NLK: variants seen among roughly 807,000 people sequenced by gnomAD.
NLK encodes nemo like kinase.
Under a neutral mutation model 59.0 loss-of-function variants are expected in NLK, and 11 were observed. That is an observed-to-expected ratio of 0.19 (90% CI 0.12 to 0.31). NLK has a LOEUF of 0.31. Ranked by LOEUF, NLK falls within the 10% of genes least tolerant of loss-of-function variation. The probability of loss-of-function intolerance (pLI) is 1.00; values close to 1 mark genes in which losing one functional copy is unlikely to be tolerated. For synonymous variants in NLK, 235 were observed against 235.9 expected, an observed-to-expected ratio of 1.00 and a Z score of 0.03; for missense variants, 410 against 661.1, an observed-to-expected ratio of 0.62 and a Z score of 4.16.
intron 1 of NLK, among the ~76,000 whole-genome samples, chr17:28,073,018 TTAGA>T (rs1715630433): frequency 3.3e-5 from 5 of 152,036 alleles, no homozygotes; most frequent in Admixed American, 3.3e-4. Flanking sequence ...AAGCAGGGTA[TTAGA>T]TTTTTTTTTT....
chr17:28,074,485 T>G (rs1055883163), intron 1 of NLK, among the ~76,000 whole-genome samples: 1 of 152,170 alleles, frequency 6.6e-6, no homozygotes, highest in Admixed American at 6.5e-5. Flanking sequence ...TAAATGACCT[T>G]GATTACTTTG....
rs556723417 is a variant in NLK, at chr17:28,173,726, A to G, written c.1149+1108A>G. ...AAGTCTTAACCTAGAGGAAAGTTCT[A>G]TATTATAGAAGGAACTAACAAGATC... is the stretch of plus-strand genomic sequence containing the variant. On this transcript the variant is annotated intron_variant, in intron 7 of 10. Coordinates refer to ENST00000407008, the MANE Select transcript of NLK (RefSeq NM_016231.5). Among the ~76,000 whole-genome samples, 14 of 152,340 alleles carry G rather than the reference A, an allele frequency of 9.2e-5. No homozygotes were observed. The East Asian group carries it at 2.5e-3, about 27-fold the overall frequency.
intron 5 of NLK, among the ~76,000 whole-genome samples, chr17:28,164,964 C>T (rs546759793): frequency 1.3e-5 from 2 of 151,946 alleles, no homozygotes; most frequent in South Asian, 4.2e-4. Context: ...GAACCCTCAC[C>T]CTTATTTTAA....
At chr17:28,189,106 AAC>A (rs1380493425) in intron 8 of NLK, among the ~76,000 whole-genome samples, 1 of 152,072 alleles carries the variant, frequency 6.6e-6, no homozygotes, top group Non-Finnish European at 1.5e-5. Flanking sequence ...GCAGGCATAC[AAC>A]ACACAGTTTG....
chr17:28,167,944 A>ATG (rs2142053637), intron 5 of NLK, among the ~76,000 whole-genome samples: 1 of 152,240 alleles, frequency 6.6e-6, no homozygotes, highest in Admixed American at 6.5e-5. Flanking sequence ...TAAGAAAATG[A>ATG]TGTAAGTTTG....
intron 1 of NLK, among the ~76,000 whole-genome samples, chr17:28,065,116 A>G (rs892395397): frequency 6.6e-6 from 1 of 152,186 alleles, no homozygotes; most frequent in Admixed American, 6.5e-5. Context: ...TGCAATAAAG[A>G]TATATAAATA....
intron 3 of NLK, 53 bp from the exon 4 acceptor site, chr17:28,161,107 T>A: frequency 2.1e-6 from 2 of 959,914 alleles, no homozygotes; most frequent in Non-Finnish European, 3.4e-6. Flanking sequence ...GTCACCACTT[T>A]GAGGGGGTAG....
At chr17:28,165,955 G>C (rs1013633632) in intron 5 of NLK, among the ~76,000 whole-genome samples, 1 of 152,170 alleles carries the variant, frequency 6.6e-6, no homozygotes, top group African/African-American at 2.4e-5. Flanking sequence ...AGTGGCTCAC[G>C]CCTGTAATCC....
intron 1 of NLK, among the ~76,000 whole-genome samples, chr17:28,086,234 G>GT (rs2142771890): frequency 6.6e-6 from 1 of 152,134 alleles, no homozygotes; most frequent in South Asian, 2.1e-4. Flanking sequence ...CTGTCACCCA[G>GT]TTACCCCTCT....
At chr17:28,155,915 T>G (rs1907689492) in intron 3 of NLK, among the ~76,000 whole-genome samples, 1 of 152,176 alleles carries the variant, frequency 6.6e-6, no homozygotes, top group African/African-American at 2.4e-5. Flanking sequence ...CCCTAGAACT[T>G]AAAGTATTAA....
intron 1 of NLK, among the ~76,000 whole-genome samples, chr17:28,079,866 A>T (rs905357205): frequency 6.6e-6 from 1 of 152,156 alleles, no homozygotes; most frequent in Admixed American, 6.5e-5. Context: ...TGCTTTTGGT[A>T]TCATATCCAA....
chr17:28,145,697 G>C (rs1181522530), intron 3 of NLK, among the ~76,000 whole-genome samples: 1 of 151,846 alleles, frequency 6.6e-6, no homozygotes, highest in Admixed American at 6.6e-5. Flanking sequence ...TGAGATCACA[G>C]TGGCTTAAAG....
Position 28,074,924 on chromosome 17 carries a change from A to G in NLK, c.458+31593A>G, listed in dbSNP as rs34303373. ...GAGGTGGACACCAAGCTGGCTCATGATGAAACAAGCTGGCGTATTTCACTT... is the reference window on the plus strand; with the variant it reads ...GAGGTGGACACCAAGCTGGCTCATGGTGAAACAAGCTGGCGTATTTCACTT... On this transcript the variant is annotated intron_variant, in intron 1 of 10. Coordinates refer to ENST00000407008, the MANE Select transcript of NLK (RefSeq NM_016231.5). Among the ~76,000 whole-genome samples the G allele has an allele frequency of 1.0e-3, 156 of 152,330 alleles. 1 individual carries two copies. The highest frequency in any genetic ancestry group is 3.7e-3 in the African/African-American group (152 of 41,582).
At chr17:28,154,275 G>GT (rs1056149970) in intron 3 of NLK, among the ~76,000 whole-genome samples, 6 of 152,284 alleles carry the variant, frequency 3.9e-5, no homozygotes, top group African/African-American at 1.4e-4. Flanking sequence ...TTGCAAGCCT[G>GT]TTTAAGAAGT....
intron 10 of NLK, among the ~76,000 whole-genome samples, chr17:28,193,309 G>A (rs1909375420): frequency 6.6e-6 from 1 of 152,188 alleles, no homozygotes; most frequent in Non-Finnish European, 1.5e-5. Flanking sequence ...GGGTATGGCT[G>A]CCACAGGAAC....
At chr17:28,108,993 C>T (rs1905336706) in intron 1 of NLK, among the ~76,000 whole-genome samples, 1 of 151,892 alleles carries the variant, frequency 6.6e-6, no homozygotes, top group East Asian at 1.9e-4. Flanking sequence ...ATGGTGAAAC[C>T]CCATCTCTAC....
intron 2 of NLK, among the ~76,000 whole-genome samples, chr17:28,126,981 C>T (rs1906315290): frequency 2.0e-5 from 3 of 152,020 alleles, no homozygotes; most frequent in Admixed American, 1.3e-4. Context: ...CAGAAAAATG[C>T]ACATATATAC....
At chr17:28,200,310 C>G (rs1315545867), downstream of NLK, among the ~76,000 whole-genome samples, 1 of 151,996 alleles carries the variant, frequency 6.6e-6, no homozygotes, top group Non-Finnish European at 1.5e-5. Context: ...GATATATGAT[C>G]CATTTTGAGC....
intron 4 of NLK, among the ~76,000 whole-genome samples, chr17:28,162,116 C>T (rs963500977): frequency 1.3e-5 from 2 of 151,976 alleles, no homozygotes; most frequent in South Asian, 2.1e-4. Flanking sequence ...CCCAGGTTCA[C>T]GCCATTCTCC....
Sources: gnomAD v4.1 joint callset for allele counts (sites outside exome capture counted in the v4.1 genomes callset) on GRCh38, gnomAD v4.1.1 for gene constraint, MANE v1.5 for transcripts, NCBI Gene and HGNC (gene_info 2026-07-23, HGNC 2026-07-21) for gene names.